The following CCDC146 variants were observed in gnomAD, a reference collection of about 807,000 sequenced individuals.
The protein encoded by CCDC146 is coiled-coil domain-containing protein 146.
In CCDC146, 92 loss-of-function variants were observed where a neutral mutation model predicts 119.3. The ratio of observed to expected loss-of-function variants is 0.77; its 90% confidence interval spans 0.65 to 0.92. The LOEUF (loss-of-function observed/expected upper bound fraction) is 0.92. CCDC146 is among the 40% of genes least tolerant of loss of function. The probability of loss-of-function intolerance (pLI) is 0.00; values close to 1 mark genes in which losing one functional copy is unlikely to be tolerated. For synonymous variants in CCDC146, 372 were observed against 371.8 expected, an observed-to-expected ratio of 1.00 and a Z score of -0.01; for missense variants, 1,000 against 1,103.0, an observed-to-expected ratio of 0.91 and a Z score of 1.32.
In CCDC146 at chr7:77,139,412, A is replaced by G. The variant is rs1790903184; in HGVS notation, c.-12+16680A>G. Among the ~76,000 whole-genome samples the G allele has an allele frequency of 3.3e-5, 5 of 152,182 alleles. No homozygotes were observed. The South Asian group carries it at 8.3e-4, about 25-fold the overall frequency. On this transcript the variant is annotated intron_variant, in intron 1 of 18. Coordinates refer to ENST00000285871, the MANE Select transcript of CCDC146 (RefSeq NM_020879.3). ...CACAAAGGATTTTTAGGGCAGTGAAAATGTTCTGTATGATACTATAACGAT... is the reference window on the plus strand; with the variant it reads ...CACAAAGGATTTTTAGGGCAGTGAAGATGTTCTGTATGATACTATAACGAT...
chr7:77,287,245 T>C (rs1793864196), intron 16 of CCDC146, 195 bp from the exon 17 acceptor site: 1 of 612,302 alleles, frequency 1.6e-6, no homozygotes, highest in Admixed American at 3.0e-5. Flanking sequence ...GGATGTTAGA[T>C]AGAGCTGAGG....
intron 2 of CCDC146, among the ~76,000 whole-genome samples, chr7:77,225,772 G>A (rs987245039): frequency 1.3e-5 from 2 of 151,936 alleles, no homozygotes; most frequent in East Asian, 1.9e-4. Context: ...GTGAAACCCC[G>A]TCTCTACTAA....
rs776606828 is a variant in CCDC146 at position 77,135,136 on chromosome 7, T to C, written c.-12+12404T>C. 1.1e-3 allele frequency among the ~76,000 whole-genome samples: 167 copies of C among 152,320 alleles called. 1 individual carries two copies. Among genetic ancestry groups the C allele is most frequent in the Non-Finnish European group, 8.1e-4 (55 of 68,024 alleles). The stretch of plus-strand genomic sequence containing the variant: ...CTTGTTTTTCTTAATCTTTCTTAAA[T>C]ATATGTATAGCCCGCATTTATTTCA... On this transcript the variant is annotated intron_variant, in intron 1 of 18. Transcript: ENST00000285871.
chr7:77,130,668 G>C (rs1261528129), intron 1 of CCDC146, among the ~76,000 whole-genome samples: 2 of 143,038 alleles, frequency 1.4e-5, no homozygotes, highest in African/African-American at 2.7e-5. Flanking sequence ...GCGCGATCTC[G>C]ACTCACTGCA....
chr7:77,256,069 G>A (rs1423500551), intron 5 of CCDC146, among the ~76,000 whole-genome samples: 2 of 151,540 alleles, frequency 1.3e-5, no homozygotes, highest in African/African-American at 4.9e-5. Flanking sequence ...TAGGAGGATA[G>A]AAAAGAGCAC....
chr7:77,278,680 G>T, intron 11 of CCDC146, 72 bp from the exon 12 acceptor site: 1 of 1,038,012 alleles, frequency 9.6e-7, no homozygotes. Context: ...TTTAATGGAA[G>T]GGAATGATGT....
At chr7:77,201,372 T>C (rs1791984287) in intron 2 of CCDC146, among the ~76,000 whole-genome samples, 1 of 139,412 alleles carries the variant, frequency 7.2e-6, no homozygotes, top group Non-Finnish European at 1.5e-5. Context: ...TGAAACCCCA[T>C]CTCTACTAAA....
chr7:77,142,135 G>C (rs10242556), intron 1 of CCDC146, among the ~76,000 whole-genome samples: 7 of 151,782 alleles, frequency 4.6e-5, no homozygotes, highest in African/African-American at 1.7e-4. Context: ...AAGCTGGAAG[G>C]ATTCCTTTTG....
intron 1 of CCDC146, among the ~76,000 whole-genome samples, chr7:77,139,434 C>T (rs963164671): frequency 9.1e-4 from 139 of 152,276 alleles, no homozygotes; most frequent in African/African-American, 3.2e-3. Flanking sequence ...GATACTATAA[C>T]GATGGATACC....
chr7:77,206,264 A>T (rs745605487), intron 2 of CCDC146, among the ~76,000 whole-genome samples: 7 of 152,182 alleles, frequency 4.6e-5, no homozygotes, highest in Non-Finnish European at 8.8e-5. Flanking sequence ...ATTTGATTTT[A>T]CCTGCTTATC....
chr7:77,256,410 A>G lies in CCDC146; in HGVS notation c.585A>G (p.Glu195=). ...LRKEIMQKKL[E]IKNLREDLAS... ...AAGAAATAATGCAGAAGAAATTAGA[A>G]ATTAAAAATTTACGAGAAGATTTGG... Residue 195 remains glutamate (E), a synonymous_variant, in exon 6 of 19, where the codon GAA becomes GAG. Coordinates refer to ENST00000285871, the MANE Select transcript of CCDC146 (RefSeq NM_020879.3). The G allele has an allele frequency of 6.2e-7, 1 of 1,607,044 alleles. No individual in the cohort carries two copies. Among genetic ancestry groups the G allele is most frequent in the East Asian group, 2.2e-5 (1 of 44,826 alleles).
At chr7:77,263,112 C>G (rs1015337395) in intron 9 of CCDC146, among the ~76,000 whole-genome samples, 4 of 152,202 alleles carry the variant, frequency 2.6e-5, no homozygotes, top group African/African-American at 9.7e-5. Flanking sequence ...ACAGGAGTTT[C>G]CAGCTGTGGT....
At chr7:77,192,691 T>C (rs1369954953) in intron 2 of CCDC146, among the ~76,000 whole-genome samples, 1 of 152,068 alleles carries the variant, frequency 6.6e-6, no homozygotes, top group South Asian at 2.1e-4. Flanking sequence ...TTGCGAGGCC[T>C]AGGCGGGTGG....
chr7:77,136,060 A>C (rs952215272), intron 1 of CCDC146, among the ~76,000 whole-genome samples: 3 of 152,190 alleles, frequency 2.0e-5, no homozygotes, highest in Non-Finnish European at 4.4e-5. Flanking sequence ...CATGTCTCAA[A>C]AACAACAACA....
intron 1 of CCDC146, among the ~76,000 whole-genome samples, chr7:77,156,093 T>C (rs3095397): frequency 0.13 from 19,151 of 152,190 alleles, 1,808 homozygotes; most frequent in Non-Finnish European, 0.18. Context: ...GGAGGGGTGC[T>C]GATTCTGTAA....
intron 2 of CCDC146, among the ~76,000 whole-genome samples, chr7:77,213,932 A>G (rs1264175428): frequency 6.6e-6 from 1 of 152,196 alleles, no homozygotes; most frequent in Non-Finnish European, 1.5e-5. Context: ...TAAATATAAG[A>G]GTGCAGGTGT....
intron 13 of CCDC146, among the ~76,000 whole-genome samples, chr7:77,280,167 G>A (rs1007949811): frequency 1.3e-5 from 2 of 152,004 alleles, no homozygotes; most frequent in African/African-American, 2.4e-5. Context: ...GCAGTCTCTC[G>A]CTTTGATAAA....
At chr7:77,131,089 G>C (rs1237014081) in intron 1 of CCDC146, among the ~76,000 whole-genome samples, 11 of 151,984 alleles carry the variant, frequency 7.2e-5, no homozygotes, top group African/African-American at 2.4e-5. Flanking sequence ...CACCATGTCG[G>C]CCAGGCTGGT....
intron 1 of CCDC146, among the ~76,000 whole-genome samples, chr7:77,143,911 T>C (rs1210605560): frequency 6.6e-6 from 1 of 151,832 alleles, no homozygotes; most frequent in Non-Finnish European, 1.5e-5. Context: ...TCTTTTTTGG[T>C]TCCACATGAA....
Sources: gnomAD v4.1 joint callset for allele counts (sites outside exome capture counted in the v4.1 genomes callset) on GRCh38, gnomAD v4.1.1 for gene constraint, MANE v1.5 for transcripts, NCBI Gene and HGNC (gene_info 2026-07-23, HGNC 2026-07-21) for gene names.